FDFT1: variants seen among roughly 807,000 people sequenced by gnomAD.
The protein encoded by FDFT1 is farnesyl-diphosphate farnesyltransferase 1.
FDFT1 carries 68 observed loss-of-function variants against 46.8 expected under a neutral mutation model. That is an observed-to-expected ratio of 1.45 (90% CI 1.19 to 1.78). The LOEUF is 1.78. FDFT1 is among the 40% of genes most tolerant of loss of function. The pLI is 0.00. For synonymous variants in FDFT1, 351 were observed against 185.1 expected, an observed-to-expected ratio of 1.90 and a Z score of -7.28; for missense variants, 928 against 524.4, an observed-to-expected ratio of 1.77 and a Z score of -7.52.
At chr8:11,811,616 A>G (rs1807725427) in intron 3 of FDFT1, among the ~76,000 whole-genome samples, 1 of 152,208 alleles carries the variant, frequency 6.6e-6, no homozygotes. Context: ...TGGAAAAATA[A>G]TGCTTAGTTC....
chr8:11,815,078 C>T (rs1808267370), intron 3 of FDFT1, among the ~76,000 whole-genome samples: 1 of 151,996 alleles, frequency 6.6e-6, no homozygotes, highest in South Asian at 2.1e-4. Flanking sequence ...TCCATGTGTT[C>T]TCATTGTTCA....
At chr8:11,803,885 G>A (rs1214447319) in intron 1 of FDFT1, 4 of 152,946 alleles carry the variant, frequency 2.6e-5, no homozygotes, top group Non-Finnish European at 5.8e-5. Flanking sequence ...TTTAATACAG[G>A]TACATCCTTC....
Position 11,831,592 on chromosome 8 carries a change from A to G in FDFT1, c.954A>G (p.Lys318=), listed in dbSNP as rs149474846. Residue 318 remains lysine (K), a synonymous_variant, in exon 7 of 8, where the codon AAA becomes AAG. Transcript: ENST00000220584. ...QVFKGAVKIR[K]GQAVTLMMDA... is the part of the protein sequence containing the mutation. Reference sequence around the variant, plus strand: ...TCAAAGGGGCAGTGAAGATTCGGAAAGGGCAAGCAGTGACCCTGATGATGG... The same window carrying G: ...TCAAAGGGGCAGTGAAGATTCGGAAGGGGCAAGCAGTGACCCTGATGATGG... 1,149 of 1,614,118 alleles carry G rather than the reference A, an allele frequency of 7.1e-4. 2 individuals are homozygous for G. Among genetic ancestry groups the G allele is most frequent in the Non-Finnish European group, 8.9e-4 (1,056 of 1,179,928 alleles).
chr8:11,836,810 T>TG (rs1231986632), intron 7 of FDFT1, among the ~76,000 whole-genome samples: 1 of 152,102 alleles, frequency 6.6e-6, no homozygotes, highest in African/African-American at 2.4e-5. Context: ...CCGAGGTGGG[T>TG]GGATCACTTG....
intron 5 of FDFT1, among the ~76,000 whole-genome samples, chr8:11,827,921 G>A (rs1422518460): frequency 6.6e-6 from 1 of 151,938 alleles, no homozygotes; most frequent in South Asian, 2.1e-4. Flanking sequence ...GTAAAAATTG[G>A]CCGGGCACAG....
upstream of FDFT1, among the ~76,000 whole-genome samples, chr8:11,800,777 A>G (rs1367970816): frequency 2.0e-5 from 3 of 152,210 alleles, no homozygotes; most frequent in East Asian, 3.8e-4. Context: ...AGAAGTTACT[A>G]TTTATTCCTA....
chr8:11,804,969 C>A (rs1585857805), intron 1 of FDFT1, among the ~76,000 whole-genome samples: 1 of 135,122 alleles, frequency 7.4e-6, no homozygotes, highest in Non-Finnish European at 1.5e-5. Context: ...AATGCTGTGG[C>A]CTGAACATGA....
At chr8:11,809,157 C>A (rs1279004049) in intron 2 of FDFT1, 1 of 1,294,310 alleles carries the variant, frequency 7.7e-7, no homozygotes, top group Non-Finnish European at 9.8e-7. Context: ...GGCAGCTGAA[C>A]CTGCCTGTGA....
At chr8:11,834,344 A>G (rs1211621520) in intron 7 of FDFT1, among the ~76,000 whole-genome samples, 2 of 152,200 alleles carry the variant, frequency 1.3e-5, no homozygotes, top group Non-Finnish European at 2.9e-5. Context: ...TCAACCTGCT[A>G]TTTTGGGATA....
intron 3 of FDFT1, among the ~76,000 whole-genome samples, chr8:11,811,783 T>C (rs1162964849): frequency 6.6e-6 from 1 of 152,256 alleles, no homozygotes; most frequent in Non-Finnish European, 1.5e-5. Context: ...TGTTCACCTT[T>C]TGTATCCTTA....
chr8:11,827,386 C>A (rs569639377), intron 5 of FDFT1, among the ~76,000 whole-genome samples: 1 of 152,118 alleles, frequency 6.6e-6, no homozygotes, highest in East Asian at 1.9e-4. Context: ...GGCATGTTGG[C>A]ATGCACCTGT....
In FDFT1 at chr8:11,809,829, G is replaced by C. The variant is rs557080830; in HGVS notation, c.360G>C (p.Gln120His). Residue 120 changes from glutamine (Q) to histidine (H), a missense_variant, in exon 3 of 8, where the codon CAG becomes CAC. By Grantham distance (24) the Gln-to-His change is conservative. Coordinates refer to ENST00000220584, the MANE Select transcript of FDFT1 (RefSeq NM_004462.5). The stretch of plus-strand genomic sequence containing the variant: ...TGGAGAGCAAGGAGAAGGATCGCCA[G>C]GTGCTGGAGGACTTCCCAACGGTGA... ...RFMESKEKDR[Q>H]VLEDFPTISL... The C allele has an allele frequency of 1.9e-6, 3 of 1,613,696 alleles. No homozygotes were observed. The highest frequency in any genetic ancestry group is 1.7e-5 in the Admixed American group (1 of 59,964).
upstream of FDFT1, chr8:11,802,191 C>T: frequency 2.5e-5 from 11 of 437,680 alleles, no homozygotes; most frequent in South Asian, 1.8e-4. Context: ...GCGAGCTGGG[C>T]TGTGCTCGGG....
chr8:11,837,102 G>A (rs947343008), intron 7 of FDFT1, among the ~76,000 whole-genome samples: 1 of 152,258 alleles, frequency 6.6e-6, no homozygotes, highest in Non-Finnish European at 1.5e-5. Context: ...GTTGAGACTT[G>A]GGGGCCTAGG....
intron 7 of FDFT1, among the ~76,000 whole-genome samples, chr8:11,832,271 C>T (rs1019076499): frequency 3.9e-5 from 6 of 151,986 alleles, no homozygotes; most frequent in South Asian, 2.1e-4. Context: ...AAGTTTATTT[C>T]TGGCCAGGCA....
chr8:11,798,474 G>C (rs1805786828), upstream of FDFT1, among the ~76,000 whole-genome samples: 1 of 152,230 alleles, frequency 6.6e-6, no homozygotes, highest in Admixed American at 6.5e-5. Context: ...GAGCAGAGAG[G>C]AGAGATTAAA....
At chr8:11,822,116 A>G (rs535527963) in intron 4 of FDFT1, among the ~76,000 whole-genome samples, 9 of 152,368 alleles carry the variant, frequency 5.9e-5, no homozygotes, top group Non-Finnish European at 1.3e-4. Context: ...GTGCTTATCT[A>G]GACAAAGGGA....
rs542597307 is a variant in FDFT1, at chr8:11,808,882, G to A, written c.188G>A (p.Gly63Glu). The A allele has an allele frequency of 4.3e-6, 7 of 1,613,602 alleles. No individual in the cohort carries two copies. The East Asian group carries it at 1.1e-4, about 26-fold the overall frequency. ...GCAGCTGTTATCCAGGCGCTGGATG[G>A]GGAAATGCGGTGAGTGATGGAGGCA... ...SFAAVIQALD[G>E]EMRNAVCIFY... The change falls in exon 2 of 8, where the codon GGG becomes GAG. Residue 63 changes from glycine to glutamate, a missense_variant. Physicochemically the swap from Gly to Glu is moderately conservative, Grantham distance 98. Coordinates refer to ENST00000220584, the MANE Select transcript of FDFT1 (RefSeq NM_004462.5).
chr8:11,831,495 C>A, intron 6 of FDFT1, 23 bp from the exon 7 acceptor site: 2 of 1,593,888 alleles, frequency 1.3e-6, no homozygotes, highest in Non-Finnish European at 8.6e-7. Flanking sequence ...CTTCTTTTTT[C>A]CCTCTCTTCT....
Sources: gnomAD v4.1 joint callset for allele counts (sites outside exome capture counted in the v4.1 genomes callset) on GRCh38, gnomAD v4.1.1 for gene constraint, MANE v1.5 for transcripts, NCBI Gene and HGNC (gene_info 2026-07-23, HGNC 2026-07-21) for gene names.